Variants in OXA1L observed in about 807,000 individuals in gnomAD.
The protein encoded by OXA1L is OXA1L mitochondrial inner membrane insertase, also known as mitochondrial inner membrane protein OXA1L.
OXA1L carries 42 observed loss-of-function variants against 52.2 expected under a neutral mutation model. The ratio of observed to expected loss-of-function variants is 0.80; its 90% CI spans 0.63 to 1.04. OXA1L has a LOEUF of 1.04. OXA1L is among the 50% of genes least tolerant of loss of function. The pLI is 0.00. For missense variants in OXA1L, 572 were observed against 555.0 expected (o/e 1.03, Z -0.31); for synonymous variants, 239 against 201.9 (o/e 1.18, Z -1.56).
chr14:22,770,904 C>T lies in OXA1L; in HGVS notation c.934C>T (p.Pro312Ser). 1 of 1,613,766 alleles carries T rather than the reference C, an allele frequency of 6.2e-7. No individual in the cohort carries two copies. The highest frequency in any genetic ancestry group is 8.5e-7 in the Non-Finnish European group (1 of 1,179,654). The change falls in exon 7 of 10, where the codon CCC (proline) becomes TCC (serine). Residue 312 changes from proline (P) to serine (S), a missense_variant. Coordinates refer to ENST00000612549, the MANE Select transcript of OXA1L (RefSeq NM_005015.5). The stretch of plus-strand genomic sequence containing the variant: ...AACCTTGCCCATAACCATGCATTTC[C>T]CCACGGTATGTAATGCCTTATGGGC... The part of the protein sequence containing the change: ...LITLPITMHF[P>S]TAVFMYWLSS...
chr14:22,771,028 T>G lies in OXA1L; in HGVS notation c.950T>G (p.Met317Arg), dbSNP rs2038454373. 1.2e-6 allele frequency: 2 copies of G among 1,614,126 alleles called. No homozygotes were observed. Among genetic ancestry groups the G allele is most frequent in the Non-Finnish European group, 1.7e-6 (2 of 1,180,040 alleles). The change falls in exon 8 of 10, where the codon ATG becomes AGG. Residue 317 changes from methionine to arginine, a missense_variant. By Grantham distance (91) the Met-to-Arg change is moderately conservative. This residue lies in a region of OXA1L where 244 missense variants were observed against 240.2 expected (regional missense o/e 1.02). Coordinates refer to ENST00000612549, the MANE Select transcript of OXA1L (RefSeq NM_005015.5). Reference protein sequence around the residue: ...ITMHFPTAVFMYWLSSNLFSL... With the variant: ...ITMHFPTAVFRYWLSSNLFSL... ...TGTGTTCTCACCCAGGCAGTGTTTATGTACTGGCTCTCCTCCAATTTGTTT... is the reference window on the plus strand; with the variant it reads ...TGTGTTCTCACCCAGGCAGTGTTTAGGTACTGGCTCTCCTCCAATTTGTTT...
Position 22,768,012 on chromosome 14 carries a change from G to C in OXA1L, c.280G>C (p.Val94Leu). The change falls in exon 3 of 10, where the codon GTG becomes CTG. Residue 94 changes from valine to leucine, a missense_variant. Coordinates refer to ENST00000612549, the MANE Select transcript of OXA1L (RefSeq NM_005015.5). ...ATPSPTAVPE[V>L]ASGETADVVQ... ...TCCCTCACCCACAGCAGTACCTGAG[G>C]TGGCTTCTGGAGAGACTGCAGATGT... 6.2e-7 allele frequency: 1 copy of C among 1,614,232 alleles called. No homozygotes were observed. The highest frequency in any genetic ancestry group is 8.5e-7 in the Non-Finnish European group (1 of 1,180,022).
In OXA1L at chr14:22,769,863, A is replaced by G. The variant is rs748079232; in HGVS notation, c.512A>G (p.Asn171Ser). Reference protein sequence around the residue: ...TGQREAARIHNHLPEIQKFSS... With the variant: ...TGQREAARIHSHLPEIQKFSS... ...CAGCGAGAGGCAGCCAGGATCCACA[A>G]TCACTTGCCAGAGATCCAGAAGTTT... The change falls in exon 4 of 10, where the codon AAT (asparagine) becomes AGT (serine). Residue 171 changes from asparagine to serine, a missense_variant. This residue lies in a region of OXA1L where 132 missense variants were observed against 124.0 expected (regional missense o/e 1.06). Transcript: ENST00000612549. 106 of 1,614,056 alleles carry G rather than the reference A, an allele frequency of 6.6e-5. No homozygotes were observed. Among genetic ancestry groups the G allele is most frequent in the East Asian group, 4.5e-4 (20 of 44,900 alleles).
At chr14:22,770,699 G>A in intron 6 of OXA1L, 74 bp downstream of exon 6, 1 of 1,557,280 alleles carries the variant, frequency 6.4e-7, no homozygotes, top group South Asian at 1.1e-5. Flanking sequence ...TGTACAGAAT[G>A]GTCATCCTTC....
chr14:22,770,924 A>G lies in OXA1L; in HGVS notation c.939+15A>G. ...ATTTCCCCACGGTATGTAATGCCTT[A>G]TGGGCTGGCTCCAAGGCCTTCTGCC... On this transcript the variant is annotated intron_variant, in intron 7 of 9. Coordinates refer to ENST00000612549, the MANE Select transcript of OXA1L (RefSeq NM_005015.5). The G allele has an allele frequency of 6.2e-7, 1 of 1,612,018 alleles. No individual in the cohort carries two copies. Among genetic ancestry groups the G allele is most frequent in the South Asian group, 1.1e-5 (1 of 91,044 alleles).
Position 22,771,578 on chromosome 14 carries a change from C to T in OXA1L, c.*20C>T. 1 of 1,613,832 alleles carries T rather than the reference C, an allele frequency of 6.2e-7. No individual in the cohort carries two copies. Among genetic ancestry groups the T allele is most frequent in the African/African-American group, 1.3e-5 (1 of 75,066 alleles). On this transcript the variant is annotated 3_prime_UTR_variant, in exon 10 of 10. Transcript: ENST00000612549. ...GGCTGACTTATGTTCTGTGCGCATT[C>T]TGGCAGGAATTCTGTCTCTTCAGAG...
Position 22,767,251 on chromosome 14 carries a change from C to T in OXA1L, c.67C>T (p.His23Tyr). 6.2e-7 allele frequency: 1 copy of T among 1,608,168 alleles called. No individual in the cohort carries two copies. Among genetic ancestry groups the T allele is most frequent in the Non-Finnish European group, 8.5e-7 (1 of 1,177,786 alleles). ...CATCATCCTTTTACACGCTCAGGTCCACAGCGTCGCAGGGCCCTCGCAATG... is the reference window on the plus strand; with the variant it reads ...CATCATCCTTTTACACGCTCAGGTCTACAGCGTCGCAGGGCCCTCGCAATG... The part of the protein sequence containing the change: ...LRLLQSGRRV[H>Y]SVAGPSQWLG... The change falls in exon 2 of 10, where the codon CAC (histidine) becomes TAC (tyrosine). Residue 23 changes from histidine to tyrosine, a missense_variant. This residue lies in a region of OXA1L where 186 missense variants were observed against 151.8 expected (regional missense o/e 1.23). Coordinates refer to ENST00000612549, the MANE Select transcript of OXA1L (RefSeq NM_005015.5).
chr14:22,770,270 G>A lies in OXA1L; in HGVS notation c.661G>A (p.Val221Met). The A allele has an allele frequency of 6.2e-7, 1 of 1,602,386 alleles. No individual in the cohort carries two copies. Among genetic ancestry groups the A allele is most frequent in the Non-Finnish European group, 8.6e-7 (1 of 1,169,326 alleles). The change falls in exon 5 of 10, where the codon GTG (valine) becomes ATG (methionine). Residue 221 changes from valine to methionine, a missense_variant. Transcript: ENST00000612549. ...ACTCTATAAACCTCTCATTCTCCCT[G>A]TGACTCAGGTGAGCAAAAACATTTC... Reference protein sequence around the residue: ...IKLYKPLILPVTQAPIFISFF... With the variant: ...IKLYKPLILPMTQAPIFISFF...
Position 22,771,118 on chromosome 14 carries a change from G to A in OXA1L, c.1040G>A (p.Arg347His), listed in dbSNP as rs200367623. 3.6e-5 allele frequency: 58 copies of A among 1,614,084 alleles called. No individual in the cohort carries two copies. The East Asian group carries it at 4.9e-4, about 14-fold the overall frequency. ...CGCACTGTACTTAAAATCCCCCAGC[G>A]TGTTGTACATGACCTGGACAAATTA... is the stretch of plus-strand genomic sequence containing the variant. The part of the protein sequence containing the change: ...AVRTVLKIPQ[R>H]VVHDLDKLPP... Residue 347 changes from arginine to histidine, a missense_variant, in exon 8 of 10, where the codon CGT becomes CAT. This residue lies in a region of OXA1L where 244 missense variants were observed against 240.2 expected (regional missense o/e 1.02). Transcript: ENST00000612549.
chr14:22,772,510 A>C lies in OXA1L; in HGVS notation c.*952A>C, dbSNP rs1189810227. On this transcript the variant is annotated 3_prime_UTR_variant, in exon 10 of 10. Coordinates refer to ENST00000612549, the MANE Select transcript of OXA1L (RefSeq NM_005015.5). ...TCTCAAAAAAAAAAAAAAAAAAAAAAAAAAAAAAACAGTTTAAACTTCCAA... is the reference window on the plus strand; with the variant it reads ...TCTCAAAAAAAAAAAAAAAAAAAAACAAAAAAAAACAGTTTAAACTTCCAA... The C allele has an allele frequency of 3.7e-5, 4 of 107,882 alleles. 1 individual carries two copies. Among genetic ancestry groups the C allele is most frequent in the Non-Finnish European group, 8.1e-5 (4 of 49,502 alleles). 6.7% of individuals were successfully genotyped at this position (107,882 alleles called of 1,614,324 possible).
Position 22,771,305 on chromosome 14 carries a change from G to A in OXA1L, c.1140G>A (p.Glu380=). Residue 380 remains glutamate, a synonymous_variant, in exon 9 of 10, where the codon GAG becomes GAA. Transcript: ENST00000612549. ...CTGAAATGACGCGTCAGCTGCGAGA[G>A]CGTGAACAACGCATGCGGAATCAGT... is the stretch of plus-strand genomic sequence containing the variant. ...KNAEMTRQLR[E]REQRMRNQLE... 1.2e-6 allele frequency: 2 copies of A among 1,614,236 alleles called. No homozygotes were observed. Among genetic ancestry groups the A allele is most frequent in the Non-Finnish European group, 1.7e-6 (2 of 1,180,028 alleles).
rs752723194 is a variant in OXA1L at position 22,771,316 on chromosome 14, G to C, written c.1151G>C (p.Arg384Pro). The change falls in exon 9 of 10, where the codon CGC becomes CCC. Residue 384 changes from arginine to proline, a missense_variant. Arg to Pro is a moderately radical substitution (Grantham distance 103). This residue lies in a region of OXA1L where 244 missense variants were observed against 240.2 expected (regional missense o/e 1.02). Coordinates refer to ENST00000612549, the MANE Select transcript of OXA1L (RefSeq NM_005015.5). The stretch of plus-strand genomic sequence containing the variant: ...CGTCAGCTGCGAGAGCGTGAACAAC[G>C]CATGCGGAATCAGTTGGAGCTAGCA... ...MTRQLREREQ[R>P]MRNQLELAAR... The C allele has an allele frequency of 6.2e-7, 1 of 1,614,200 alleles. No individual in the cohort carries two copies. The highest frequency in any genetic ancestry group is 1.1e-5 in the South Asian group (1 of 91,086).
chr14:22,770,345 T>C (rs1472495068), intron 5 of OXA1L, 67 bp downstream of exon 5: 8 of 1,520,172 alleles, frequency 5.3e-6, no homozygotes, highest in Non-Finnish European at 7.3e-6. Context: ...GTGTTTCATG[T>C]GTCCCAGGTC....
At position 22,769,826 on chromosome 14, in the gene OXA1L, A is replaced by G. The variant is rs984478918; in HGVS notation, c.475A>G (p.Ile159Val). ...VFARCLIFPL[I>V]VTGQREAARI... ...TGCCCGCTGCCTGATTTTTCCTCTCATCGTGACGGGCCAGCGAGAGGCAGC... is the reference window on the plus strand; with the variant it reads ...TGCCCGCTGCCTGATTTTTCCTCTCGTCGTGACGGGCCAGCGAGAGGCAGC... Residue 159 changes from isoleucine to valine, a missense_variant, in exon 4 of 10, where the codon ATC (isoleucine) becomes GTC (valine). This residue lies in a region of OXA1L where 132 missense variants were observed against 124.0 expected (regional missense o/e 1.06). Coordinates refer to ENST00000612549, the MANE Select transcript of OXA1L (RefSeq NM_005015.5). The G allele has an allele frequency of 8.7e-6, 14 of 1,614,012 alleles. No individual in the cohort carries two copies. Among genetic ancestry groups the G allele is most frequent in the East Asian group, 2.2e-5 (1 of 44,894 alleles).
chr14:22,767,374 C>T lies in OXA1L; in HGVS notation c.190C>T (p.Leu64Phe). 1 of 1,613,494 alleles carries T rather than the reference C, an allele frequency of 6.2e-7. No individual in the cohort carries two copies. Among genetic ancestry groups the T allele is most frequent in the Non-Finnish European group, 8.5e-7 (1 of 1,179,748 alleles). The change falls in exon 2 of 10, where the codon CTC (leucine) becomes TTC (phenylalanine). Residue 64 changes from leucine to phenylalanine, a missense_variant. Leu to Phe is a conservative substitution (Grantham distance 22, BLOSUM62 0). This residue lies in a region of OXA1L where 186 missense variants were observed against 151.8 expected (regional missense o/e 1.23). Transcript: ENST00000612549. ...CCTTGCGGCTTCCGGCCCCCGCAGC[C>T]TCAGTACCTCTGCTATCTCTTTTGC... ...LFLAASGPRS[L>F]STSAISFAEV... is the part of the protein sequence containing the mutation.
chr14:22,767,454 G>C lies in OXA1L; in HGVS notation c.225+45G>C, dbSNP rs529239021. 25 of 1,534,792 alleles carry C rather than the reference G, an allele frequency of 1.6e-5. No individual in the cohort carries two copies. In the East Asian group the frequency reaches 3.7e-4, roughly 22 times the overall value. On this transcript the variant is annotated intron_variant, in intron 2 of 9. Coordinates refer to ENST00000612549, the MANE Select transcript of OXA1L (RefSeq NM_005015.5). ...TGCAATATTAGGAGTGGTGTTTCCTGGTTGGTTTCATATTTTGTTTTGTTT... is the reference window on the plus strand; with the variant it reads ...TGCAATATTAGGAGTGGTGTTTCCTCGTTGGTTTCATATTTTGTTTTGTTT...
chr14:22,771,389 TC>T (rs764086259), intron 9 of OXA1L, 41 bp downstream of exon 9: 1 of 1,613,290 alleles, frequency 6.2e-7, no homozygotes, highest in Non-Finnish European at 8.5e-7. Context: ...TTTTGTTTCT[TC>T]CTTTCTGTTC....
rs1330532187 is a variant in OXA1L at position 22,768,179 on chromosome 14, G to T, written c.439+8G>T. 3 of 1,605,434 alleles carry T rather than the reference G, an allele frequency of 1.9e-6. No individual in the cohort carries two copies. The highest frequency in any genetic ancestry group is 2.6e-6 in the Non-Finnish European group (3 of 1,172,074). On this transcript the variant is annotated splice_region_variant and intron_variant, in intron 3 of 9. Coordinates refer to ENST00000612549, the MANE Select transcript of OXA1L (RefSeq NM_005015.5). ...GGGGGGCCATTGCTGCATGTAAGGGGAATATACCCTGGACATGGGTTAGGG... is the reference window on the plus strand; with the variant it reads ...GGGGGGCCATTGCTGCATGTAAGGGTAATATACCCTGGACATGGGTTAGGG...
Position 22,770,264 on chromosome 14 carries a change from C to G in OXA1L, c.655C>G (p.Leu219Val). ...HGIKLYKPLI[L>V]PVTQAPIFIS... ...TATTAAACTCTATAAACCTCTCATT[C>G]TCCCTGTGACTCAGGTGAGCAAAAA... Residue 219 changes from leucine (L) to valine (V), a missense_variant, in exon 5 of 10, where the codon CTC (leucine) becomes GTC (valine). Transcript: ENST00000612549. 6.2e-7 allele frequency: 1 copy of G among 1,605,452 alleles called. No homozygotes were observed. Among genetic ancestry groups the G allele is most frequent in the Non-Finnish European group, 8.5e-7 (1 of 1,172,068 alleles).
Sources: gnomAD v4.1 joint callset for allele counts on GRCh38, gnomAD v4.1.1 for gene constraint, gnomAD v4.1.1 regional missense constraint, MANE v1.5 for transcripts, NCBI Gene and HGNC (gene_info 2026-07-23, HGNC 2026-07-21) for gene names.